Variants in CALN1 observed in about 807,000 individuals in gnomAD.
CALN1 encodes calcium-binding protein 8.
In CALN1, 17 loss-of-function variants were observed where a neutral mutation model predicts 30.6. That is an observed-to-expected ratio of 0.56 (90% CI 0.38 to 0.83). The LOEUF (loss-of-function observed/expected upper bound fraction) is 0.83, where lower values mean the gene tolerates loss of function less well. CALN1 is among the 40% of genes least tolerant of loss of function. The pLI, the probability that CALN1 is intolerant of heterozygous loss-of-function variation, is 0.00. For missense variants in CALN1, 291 were observed against 354.9 expected, an observed-to-expected ratio of 0.82 and a Z score of 1.45; for synonymous variants, 156 against 131.4, an observed-to-expected ratio of 1.19 and a Z score of -1.28.
chr7:72,101,317 A>AG, intron 4 of CALN1, among the ~76,000 whole-genome samples: 2 of 152,334 alleles, frequency 1.3e-5, no homozygotes, highest in South Asian at 4.1e-4. Flanking sequence ...ACAGACGTAT[A>AG]GATTAAGACT....
intron 5 of CALN1, among the ~76,000 whole-genome samples, chr7:71,841,199 C>T (rs990652290): frequency 4.6e-5 from 7 of 152,156 alleles, no homozygotes; most frequent in African/African-American, 1.4e-4. Flanking sequence ...AGCTGTGTTC[C>T]ACAGGATCAT....
intron 3 of CALN1, among the ~76,000 whole-genome samples, chr7:72,166,651 G>A (rs980129028): frequency 1.3e-5 from 2 of 152,226 alleles, no homozygotes; most frequent in Non-Finnish European, 1.5e-5. Flanking sequence ...ATGGGAAACA[G>A]AGTGGAGTGG....
chr7:72,399,949 C>T (rs1194174371), intron 2 of CALN1, among the ~76,000 whole-genome samples: 1 of 152,060 alleles, frequency 6.6e-6, no homozygotes, highest in South Asian at 2.1e-4. Flanking sequence ...CTCTCTTGTT[C>T]CCTCTCTCTC....
chr7:72,458,254 TTATAATATATTC>T, the CALN1 span, among the ~76,000 whole-genome samples: 1 of 74,292 alleles, frequency 1.3e-5, no homozygotes, highest in Non-Finnish European at 2.2e-5. Context: ...ATAATATATT[TTATAATATATTC>T]TATATTATAT....
At chr7:72,389,491 GTTAGGCTTTA>G (rs1805441178) in intron 2 of CALN1, among the ~76,000 whole-genome samples, 1 of 152,196 alleles carries the variant, frequency 6.6e-6, no homozygotes, top group South Asian at 2.1e-4. Flanking sequence ...AGTCTTCCCT[GTTAGGCTTTA>G]ATTTTGCAAG....
rs376870704 is a variant in CALN1, at chr7:71,835,639, T to C, written c.502-25147A>G. Among the ~76,000 whole-genome samples, 7 of 152,284 alleles carry C rather than the reference T, an allele frequency of 4.6e-5. No individual in the cohort carries two copies. The East Asian group carries it at 1.2e-3, about 25-fold the overall frequency. On this transcript the variant is annotated intron_variant, in intron 5 of 6. Coordinates refer to ENST00000395275, the MANE Select transcript of CALN1 (RefSeq NM_031468.4). ...ATTAGCTAAAGAAAAACAAACACTT[T>C]ATAGAAACAAGGTAACAGAGGCCAT...
At chr7:72,053,940 C>T (rs572583545) in intron 4 of CALN1, among the ~76,000 whole-genome samples, 1 of 152,152 alleles carries the variant, frequency 6.6e-6, no homozygotes, top group South Asian at 2.1e-4. Context: ...TCTCTAATCT[C>T]ATCCAGGTCA....
chr7:71,974,929 T>C (rs1798031197), intron 5 of CALN1, among the ~76,000 whole-genome samples: 1 of 152,186 alleles, frequency 6.6e-6, no homozygotes, highest in African/African-American at 2.4e-5. Flanking sequence ...TGAAGGCCCC[T>C]GAGATGTTTT....
At chr7:71,885,401 C>G (rs1792841042) in intron 5 of CALN1, among the ~76,000 whole-genome samples, 3 of 152,212 alleles carry the variant, frequency 2.0e-5, no homozygotes, top group Non-Finnish European at 4.4e-5. Context: ...ATCCGCCCAC[C>G]TCGGCCTCCC....
chr7:72,394,395 GT>G (rs1165108481), intron 2 of CALN1, among the ~76,000 whole-genome samples: 2 of 152,182 alleles, frequency 1.3e-5, no homozygotes, highest in African/African-American at 4.8e-5. Context: ...GCTTGCACAA[GT>G]TTGTAAGGAT....
At chr7:72,343,155 T>G (rs1487024845) in intron 2 of CALN1, among the ~76,000 whole-genome samples, 1 of 152,080 alleles carries the variant, frequency 6.6e-6, no homozygotes, top group Non-Finnish European at 1.5e-5. Context: ...GCAAGGACCT[T>G]TGGAAAACTC....
the CALN1 span, among the ~76,000 whole-genome samples, chr7:72,488,116 C>T: frequency 6.6e-6 from 1 of 151,506 alleles, no homozygotes; most frequent in African/African-American, 2.4e-5. Flanking sequence ...TCACTTGAGC[C>T]CAGGTGTTAA....
intron 5 of CALN1, among the ~76,000 whole-genome samples, chr7:71,918,338 A>G (rs1794782158): frequency 1.3e-5 from 2 of 152,208 alleles, no homozygotes; most frequent in African/African-American, 4.8e-5. Context: ...GAAACAATGC[A>G]TCTGTGTGAA....
At chr7:72,412,942 G>A (rs1807271918), upstream of CALN1, among the ~76,000 whole-genome samples, 1 of 152,162 alleles carries the variant, frequency 6.6e-6, no homozygotes, top group Non-Finnish European at 1.5e-5. Context: ...TCTTTCTCCT[G>A]GGGCAGCTGG....
intron 5 of CALN1, among the ~76,000 whole-genome samples, chr7:71,886,574 A>C (rs1404935724): frequency 6.6e-6 from 1 of 152,086 alleles, no homozygotes; most frequent in Non-Finnish European, 1.5e-5. Context: ...GGAGTTCGAG[A>C]CCAGCCTGGT....
Position 72,308,375 on chromosome 7 carries a change from GAGA to G in CALN1, c.120-29568_120-29566del, listed in dbSNP as rs1562868297. On this transcript the variant is annotated intron_variant, in intron 2 of 6. Coordinates refer to ENST00000395275, the MANE Select transcript of CALN1 (RefSeq NM_031468.4). ...TGAGATGCTGTCTGTGGGGGGGGGA[GAGA>G]GAGAGAGAGAGAGAGAGAGAGAGAG... 3.4e-3 allele frequency among the ~76,000 whole-genome samples: 102 copies of G among 29,852 alleles called. 1 individual carries two copies. Among genetic ancestry groups the G allele is most frequent in the African/African-American group, 9.4e-3 (75 of 8,018 alleles). 19.6% of individuals were successfully genotyped at this position (29,852 alleles called of 152,430 possible).
At chr7:72,321,262 C>T (rs1205760425) in intron 2 of CALN1, among the ~76,000 whole-genome samples, 1 of 152,144 alleles carries the variant, frequency 6.6e-6, no homozygotes, top group Non-Finnish European at 1.5e-5. Flanking sequence ...GGAAACCGTC[C>T]CTGTCGACAC....
chr7:72,175,957 A>T (rs1298079938), intron 3 of CALN1, among the ~76,000 whole-genome samples: 2 of 152,166 alleles, frequency 1.3e-5, no homozygotes, highest in African/African-American at 4.8e-5. Flanking sequence ...AAAATAAAAA[A>T]AAAACTAAAT....
chr7:71,918,310 G>A (rs989571273), intron 5 of CALN1, among the ~76,000 whole-genome samples: 1 of 152,186 alleles, frequency 6.6e-6, no homozygotes, highest in Non-Finnish European at 1.5e-5. Flanking sequence ...GCAGGTTACT[G>A]ACAAAATTGC....
Sources: allele counts gnomAD v4.1 joint callset (sites outside exome capture counted in the v4.1 genomes callset), GRCh38; gene constraint gnomAD v4.1.1; transcripts MANE v1.5; gene names NCBI Gene and HGNC (gene_info 2026-07-23, HGNC 2026-07-21).